Variants in SLC35F1 observed in about 807,000 individuals in gnomAD.
The protein encoded by SLC35F1 is solute carrier family 35 member F1.
In SLC35F1, 14 loss-of-function variants were observed where a neutral mutation model predicts 48.7. The observed-to-expected ratio is 0.29, with a 90% CI of 0.19 to 0.45. The LOEUF is 0.45. SLC35F1 is among the 20% of genes least tolerant of loss of function. The pLI is 1.00. For synonymous variants in SLC35F1, 190 were observed against 202.2 expected (o/e 0.94, Z 0.51); for missense variants, 404 against 500.0 (o/e 0.81, Z 1.83).
rs149899475 is a variant in SLC35F1 at position 118,099,399 on chromosome 6, G to A, written c.174-55046G>A. Among the ~76,000 whole-genome samples the A allele has an allele frequency of 6.4e-4, 97 of 152,216 alleles. No individual in the cohort carries two copies. The East Asian group carries it at 0.011, about 17-fold the overall frequency. On this transcript the variant is annotated intron_variant, in intron 1 of 7. Coordinates refer to ENST00000360388, the MANE Select transcript of SLC35F1 (RefSeq NM_001029858.4). ...CTTGCTACAGCTGTCAGCTATGGAA[G>A]GTATATAACCAGGAGATGGTTTGCA... is the stretch of plus-strand genomic sequence containing the variant.
chr6:118,005,692 C>T (rs1777164126), intron 1 of SLC35F1, among the ~76,000 whole-genome samples: 1 of 152,178 alleles, frequency 6.6e-6, no homozygotes, highest in Admixed American at 6.6e-5. Context: ...CACAGTATTT[C>T]CCCCCAATAC....
intron 1 of SLC35F1, among the ~76,000 whole-genome samples, chr6:117,987,194 C>T (rs948572240): frequency 6.6e-6 from 1 of 152,158 alleles, no homozygotes; most frequent in African/African-American, 2.4e-5. Context: ...CCACTCATCT[C>T]TTTGTGCATG....
chr6:118,125,979 T>C (rs1773618216), intron 1 of SLC35F1, among the ~76,000 whole-genome samples: 1 of 152,180 alleles, frequency 6.6e-6, no homozygotes, highest in South Asian at 2.1e-4. Context: ...GCATTTTTGC[T>C]AGCGTTTGGC....
rs1777220628 is a variant in SLC35F1 at position 118,009,715 on chromosome 6, TAATTATGCACTCAGTAAA to T, written c.173+101818_173+101835del. On this transcript the variant is annotated intron_variant, in intron 1 of 7. Coordinates refer to ENST00000360388, the MANE Select transcript of SLC35F1 (RefSeq NM_001029858.4). Reference sequence around the variant, plus strand: ...GTGTTGCCATTTTCTAGTGTGCTTGTAATTATGCACTCAGTAAAACTGAGTGCACAAAATGACAACCTC... The same window carrying T: ...GTGTTGCCATTTTCTAGTGTGCTTGTACTGAGTGCACAAAATGACAACCTC... Among the ~76,000 whole-genome samples the T allele has an allele frequency of 3.3e-5, 5 of 152,312 alleles. No individual in the cohort carries two copies. The East Asian group carries it at 9.6e-4, about 29-fold the overall frequency.
chr6:117,982,252 AT>A (rs1052525419), intron 1 of SLC35F1, among the ~76,000 whole-genome samples: 9 of 152,264 alleles, frequency 5.9e-5, no homozygotes, highest in Admixed American at 5.9e-4. Context: ...TACTGGGTGT[AT>A]TTCTGTCATG....
At chr6:118,173,662 A>G (rs205946) in intron 2 of SLC35F1, among the ~76,000 whole-genome samples, 25,030 of 152,106 alleles carry the variant, frequency 0.16, 5,817 homozygotes, top group African/African-American at 0.52. Context: ...AGTAGTACAG[A>G]AGATCTGAGA....
At chr6:118,143,004 T>G (rs2114446515) in intron 1 of SLC35F1, among the ~76,000 whole-genome samples, 1 of 152,274 alleles carries the variant, frequency 6.6e-6, no homozygotes, top group Admixed American at 6.5e-5. Context: ...ATTGATTATC[T>G]CAGTTGATTA....
At chr6:118,254,150 A>G (rs984811757) in intron 3 of SLC35F1, among the ~76,000 whole-genome samples, 1 of 152,140 alleles carries the variant, frequency 6.6e-6, no homozygotes, top group African/African-American at 2.4e-5. Context: ...ATGTGTGTTC[A>G]TTGGCAGCTG....
chr6:118,201,055 G>A (rs973912079), intron 2 of SLC35F1, among the ~76,000 whole-genome samples: 16 of 152,156 alleles, frequency 1.1e-4, no homozygotes, highest in African/African-American at 3.6e-4. Context: ...GGGACTACAG[G>A]TGCATGCCAC....
intron 2 of SLC35F1, among the ~76,000 whole-genome samples, chr6:118,228,321 T>TTC (rs1287973196): frequency 4.9e-4 from 3 of 6,172 alleles, no homozygotes; most frequent in African/African-American, 1.2e-3. Flanking sequence ...GGAATAGTTT[T>TTC]AAACTCTAAA....
chr6:118,266,623 A>C (rs909618306), intron 3 of SLC35F1, among the ~76,000 whole-genome samples: 3 of 152,106 alleles, frequency 2.0e-5, no homozygotes, highest in Admixed American at 6.6e-5. Flanking sequence ...GGGACAATGT[A>C]AAAAGGCTGG....
intron 3 of SLC35F1, among the ~76,000 whole-genome samples, chr6:118,264,209 C>T (rs1775745148): frequency 6.6e-6 from 1 of 152,208 alleles, no homozygotes; most frequent in Non-Finnish European, 1.5e-5. Flanking sequence ...GAGCATGAGA[C>T]AATCTTGCAA....
At chr6:118,059,616 C>A (rs7775988) in intron 1 of SLC35F1, among the ~76,000 whole-genome samples, 46,265 of 152,030 alleles carry the variant, frequency 0.3, 7,536 homozygotes, top group East Asian at 0.47. Flanking sequence ...TTCTGAGAAA[C>A]CCAGGTGTGG....
At chr6:118,271,122 T>A (rs1448040965) in intron 4 of SLC35F1, among the ~76,000 whole-genome samples, 1 of 152,160 alleles carries the variant, frequency 6.6e-6, no homozygotes, top group Non-Finnish European at 1.5e-5. Flanking sequence ...AAATGACACT[T>A]TTTATTGAGT....
chr6:118,035,569 G>A (rs76206538), intron 1 of SLC35F1, among the ~76,000 whole-genome samples: 1 of 149,936 alleles, frequency 6.7e-6, no homozygotes, highest in Non-Finnish European at 1.5e-5. Flanking sequence ...AGCTGAGATC[G>A]TGCCAGTGCA....
At chr6:117,913,506 G>A (rs1046044799) in intron 1 of SLC35F1, among the ~76,000 whole-genome samples, 13 of 152,238 alleles carry the variant, frequency 8.5e-5, no homozygotes, top group African/African-American at 2.9e-4. Flanking sequence ...CCAGTGTCTA[G>A]ATATTGGAAT....
chr6:118,102,362 T>G (rs1352739577), intron 1 of SLC35F1, among the ~76,000 whole-genome samples: 1 of 152,156 alleles, frequency 6.6e-6, no homozygotes, highest in Non-Finnish European at 1.5e-5. Context: ...TTTTAAATTT[T>G]TTTTAGAGAC....
At chr6:118,004,780 C>T (rs1777152111) in intron 1 of SLC35F1, among the ~76,000 whole-genome samples, 1 of 151,872 alleles carries the variant, frequency 6.6e-6, no homozygotes, top group Non-Finnish European at 1.5e-5. Context: ...CTGGGCTGGC[C>T]TCAAGTGATC....
intron 2 of SLC35F1, among the ~76,000 whole-genome samples, chr6:118,204,126 G>A (rs1408358735): frequency 6.6e-6 from 1 of 151,722 alleles, no homozygotes; most frequent in Non-Finnish European, 1.5e-5. Flanking sequence ...CAAGACATAA[G>A]GGAGAGTGAG....
Sources: gnomAD v4.1 joint callset for allele counts (sites outside exome capture counted in the v4.1 genomes callset) on GRCh38, gnomAD v4.1.1 for gene constraint, MANE v1.5 for transcripts, NCBI Gene and HGNC (gene_info 2026-07-23, HGNC 2026-07-21) for gene names.